Variants in NKD2 observed in about 807,000 individuals in gnomAD.
NKD2 encodes NKD inhibitor of Wnt signaling pathway 2.
Under a neutral mutation model 34.8 loss-of-function variants are expected in NKD2, and 43 were observed. That is an observed-to-expected ratio of 1.24 (90% CI 0.97 to 1.60). NKD2 has a LOEUF of 1.60. Among genes scored for constraint, NKD2 ranks in the 40% most tolerant of loss-of-function variants. The pLI is 0.00. For missense variants in NKD2, 675 were observed against 627.1 expected (o/e 1.08, Z -0.82); for synonymous variants, 278 against 265.1 (o/e 1.05, Z -0.47).
At position 1,037,801 on chromosome 5, in the gene NKD2, G is replaced by A. The variant is rs747596635; in HGVS notation, c.788-4G>A. On this transcript the variant is annotated splice_polypyrimidine_tract_variant and splice_region_variant and intron_variant, in intron 9 of 9. Transcript: ENST00000296849. ...GGGCCTCACACTCTGACCTGTGTCC[G>A]CAGGGTCCCCTCCTGTGCAAGCAAA... 7.7e-6 allele frequency: 12 copies of A among 1,564,448 alleles called. No individual in the cohort carries two copies. The highest frequency in any genetic ancestry group is 5.3e-5 in the Admixed American group (3 of 56,514).
At chr5:1,033,319 C>T in intron 4 of NKD2, 53 bp from the exon 5 acceptor site, 7 of 1,519,590 alleles carry the variant, frequency 4.6e-6, no homozygotes, top group Non-Finnish European at 6.2e-6. Context: ...AATGGCGGGC[C>T]ACATCCTCCA....
At chr5:1,037,438 T>C in intron 9 of NKD2, 1 of 1,255,870 alleles carries the variant, frequency 8.0e-7, no homozygotes, top group Non-Finnish European at 1.1e-6. Context: ...AAATCTATTT[T>C]GTAATGAGGG....
Position 1,038,173 on chromosome 5 carries a change from C to T in NKD2, c.1156C>T (p.Arg386Cys), listed in dbSNP as rs188976018. The T allele has an allele frequency of 2.6e-5, 42 of 1,586,690 alleles. No individual in the cohort carries two copies. Among genetic ancestry groups the T allele is most frequent in the East Asian group, 1.6e-4 (7 of 43,760 alleles). Residue 386 changes from arginine to cysteine, a missense_variant, in exon 10 of 10, where the codon CGC becomes TGC. By Grantham distance (180) the Arg-to-Cys change is radical (BLOSUM62 -3). Transcript: ENST00000296849. The surrounding 1 kb of genome is among the most constrained non-coding windows in gnomAD (Gnocchi z 4.5). Reference sequence around the variant, plus strand: ...GCCACCCTACGGCCACAAGCGGTACCGCCAAAAGGGCAGGGAGGGCCACTC... The same window carrying T: ...GCCACCCTACGGCCACAAGCGGTACTGCCAAAAGGGCAGGGAGGGCCACTC... Reference protein sequence around the residue: ...PPPPYGHKRYRQKGREGHSPL... With the variant: ...PPPPYGHKRYCQKGREGHSPL...
rs147030730 is a variant in NKD2, at chr5:1,008,951, C to A, written c.-107C>A. ...GCCATCTTCCCTCACCTCCTACCGG[C>A]ACCCTAGCTTGCTCCCGGCCCATGC... On this transcript the variant is annotated 5_prime_UTR_variant, in exon 1 of 10. Coordinates refer to ENST00000296849, the MANE Select transcript of NKD2 (RefSeq NM_033120.4). 18,697 of 399,468 alleles carry A rather than the reference C, an allele frequency of 0.047. 812 individuals are homozygous for A. Among genetic ancestry groups the A allele is most frequent in the East Asian group, 0.15 (4,103 of 27,206 alleles). 24.7% of individuals were successfully genotyped at this position (399,468 alleles called of 1,614,324 possible). A position where few individuals can be genotyped will look rare whatever the true frequency, so the allele number is the denominator to read the frequency against.
rs3840989 is a variant in NKD2, at chr5:1,038,331, GCACCACCACCACCACCACCAC to G, written c.1321_1341del (p.His441_His447del). 1 of 1,528,524 alleles carries G rather than the reference GCACCACCACCACCACCACCAC, an allele frequency of 6.5e-7. No homozygotes were observed. Among genetic ancestry groups the G allele is most frequent in the Non-Finnish European group, 8.8e-7 (1 of 1,142,286 alleles). The allele number at this position is 1,528,524 out of a possible 1,614,324, so 94.7% of individuals were successfully genotyped here. A position where few individuals can be genotyped will look rare whatever the true frequency, so the allele number is the denominator to read the frequency against. Reference sequence around the variant, plus strand: ...GGCACGAGCACCACCACCACCACGAGCACCACCACCACCACCACCACCACCACTTCCACCCGTCCTAGCGCC... The same window carrying G: ...GGCACGAGCACCACCACCACCACGAGCACCACTTCCACCCGTCCTAGCGCC... On this transcript the variant is annotated inframe_deletion, in exon 10 of 10. Coordinates refer to ENST00000296849, the MANE Select transcript of NKD2 (RefSeq NM_033120.4). This position sits in a 1 kb window ranked among gnomAD's most constrained non-coding sequence, Gnocchi z 4.5.
Position 1,033,422 on chromosome 5 carries a change from C to A in NKD2, c.253C>A (p.Leu85Ile), listed in dbSNP as rs1756723360. 1.3e-6 allele frequency: 2 copies of A among 1,591,204 alleles called. No homozygotes were observed. Among genetic ancestry groups the A allele is most frequent in the Non-Finnish European group, 8.5e-7 (1 of 1,169,670 alleles). ...GGGCCGCGAGCACCCGGGACAACTC[C>A]TCAGCGCAGATGACGGAGAGAGGGC... The part of the protein sequence containing the change: ...AEGREHPGQL[L>I]SADDGERAAN... Residue 85 changes from leucine to isoleucine, a missense_variant, in exon 5 of 10, where the codon CTC (leucine) becomes ATC (isoleucine). Coordinates refer to ENST00000296849, the MANE Select transcript of NKD2 (RefSeq NM_033120.4).
chr5:1,019,538 G>A (rs1579253132), intron 3 of NKD2, among the ~76,000 whole-genome samples: 1 of 152,280 alleles, frequency 6.6e-6, no homozygotes, highest in African/African-American at 2.4e-5. Context: ...GCCACAGCAG[G>A]GCCCTCGTGG....
intron 3 of NKD2, among the ~76,000 whole-genome samples, chr5:1,027,212 TC>T (rs1166912470): frequency 1.3e-5 from 2 of 152,144 alleles, no homozygotes; most frequent in African/African-American, 4.8e-5. Flanking sequence ...AACAGGGCCG[TC>T]CCCACCACAG....
At chr5:1,031,680 C>A (rs112407903) in intron 3 of NKD2, among the ~76,000 whole-genome samples, 1 of 152,182 alleles carries the variant, frequency 6.6e-6, no homozygotes, top group African/African-American at 2.4e-5. Flanking sequence ...CCCCATTTTC[C>A]GTAACTGGTC....
intron 3 of NKD2, among the ~76,000 whole-genome samples, chr5:1,025,078 C>A (rs1756343072): frequency 3.9e-5 from 1 of 25,662 alleles, no homozygotes; most frequent in African/African-American, 6.0e-5. Context: ...CCCTGCTCTT[C>A]CCACCCGCTG....
At chr5:1,019,418 G>GCAGCCGC (rs1216357140) in intron 3 of NKD2, among the ~76,000 whole-genome samples, 2 of 152,192 alleles carry the variant, frequency 1.3e-5, no homozygotes, top group African/African-American at 4.8e-5. Flanking sequence ...TGTGTGGACG[G>GCAGCCGC]CAGCCGCCAG....
chr5:1,034,735 G>C (rs1733752979), intron 6 of NKD2, 21 bp from the exon 7 acceptor site: 1 of 1,603,712 alleles, frequency 6.2e-7, no homozygotes, highest in African/African-American at 1.3e-5. Flanking sequence ...CTCTGTCAGT[G>C]AAACTGATGC....
At chr5:1,031,647 G>A (rs1009559492) in intron 3 of NKD2, among the ~76,000 whole-genome samples, 8 of 152,306 alleles carry the variant, frequency 5.3e-5, no homozygotes, top group South Asian at 4.1e-4. Flanking sequence ...CTGAAACACC[G>A]CTGGGATGTG....
At chr5:1,014,750 C>G (rs1755881333) in intron 3 of NKD2, among the ~76,000 whole-genome samples, 2 of 152,194 alleles carry the variant, frequency 1.3e-5, no homozygotes. Flanking sequence ...GGGCTCCTGT[C>G]CTCCACCCCC....
intron 3 of NKD2, among the ~76,000 whole-genome samples, chr5:1,024,646 C>T (rs376361079): frequency 5.6e-3 from 265 of 47,608 alleles, no homozygotes; most frequent in South Asian, 0.011. Context: ...TGTGGGCGTC[C>T]CAGCCCTTTG....
chr5:1,038,178 A>G lies in NKD2; in HGVS notation c.1161A>G (p.Gln387=), dbSNP rs193161206. ...CCTACGGCCACAAGCGGTACCGCCA[A>G]AAGGGCAGGGAGGGCCACTCGCCAC... ...PPPYGHKRYR[Q]KGREGHSPLK... is the part of the protein sequence containing the mutation. Residue 387 remains glutamine (Q), a synonymous_variant, in exon 10 of 10, where the codon CAA becomes CAG. Transcript: ENST00000296849. The surrounding 1 kb of genome is among the most constrained non-coding windows in gnomAD (Gnocchi z 4.5). 6.3e-7 allele frequency: 1 copy of G among 1,587,986 alleles called. No individual in the cohort carries two copies. Among genetic ancestry groups the G allele is most frequent in the African/African-American group, 1.3e-5 (1 of 74,582 alleles).
Position 1,038,103 on chromosome 5 carries a change from G to T in NKD2, c.1086G>T (p.Pro362=). Residue 362 remains proline, a synonymous_variant, in exon 10 of 10, where the codon CCG becomes CCT. Coordinates refer to ENST00000296849, the MANE Select transcript of NKD2 (RefSeq NM_033120.4). This position sits in a 1 kb window ranked among gnomAD's most constrained non-coding sequence, Gnocchi z 4.5. ...AFSYYLPAVL[P]PQAPQDGHHL... ...GCTACTACCTGCCGGCCGTCCTGCC[G>T]CCCCAGGCCCCTCAGGACGGCCACC... 1 of 1,601,582 alleles carries T rather than the reference G, an allele frequency of 6.2e-7. No individual in the cohort carries two copies.
intron 4 of NKD2, 97 bp downstream of exon 4, chr5:1,032,309 C>T (rs965834458): frequency 9.6e-6 from 9 of 935,598 alleles, no homozygotes; most frequent in Middle Eastern, 4.3e-4. Flanking sequence ...ACCCCGTGTG[C>T]GGAGCGAGGG....
Position 1,009,575 on chromosome 5 carries a change from G to T in NKD2, c.141+15G>T. 6.8e-7 allele frequency: 1 copy of T among 1,463,796 alleles called. No homozygotes were observed. Among genetic ancestry groups the T allele is most frequent in the Non-Finnish European group, 8.9e-7 (1 of 1,117,958 alleles). The allele number at this position is 1,463,796 out of a possible 1,614,324, so 90.7% of individuals were successfully genotyped here. ...GGGACAAGCAGGTAGGCGGCGGGGC[G>T]GAGGCTGGGGTCGCGCTGCGCACCC... is the stretch of plus-strand genomic sequence containing the variant. On this transcript the variant is annotated intron_variant, in intron 3 of 9. Coordinates refer to ENST00000296849, the MANE Select transcript of NKD2 (RefSeq NM_033120.4). The surrounding 1 kb of genome is among the most constrained non-coding windows in gnomAD (Gnocchi z 6.9).
Sources: allele counts gnomAD v4.1 joint callset (sites outside exome capture counted in the v4.1 genomes callset), GRCh38; gene constraint gnomAD v4.1.1; non-coding constraint Gnocchi (gnomAD v3.1); transcripts MANE v1.5; gene names NCBI Gene and HGNC (gene_info 2026-07-23, HGNC 2026-07-21).